Variants in ARB2A observed in about 807,000 individuals in gnomAD.
ARB2A encodes the protein cotranscriptional regulator ARB2A.
chr5:93,908,533 A>G, the ARB2A span, among the ~76,000 whole-genome samples: 1 of 150,782 alleles, frequency 6.6e-6, no homozygotes, highest in South Asian at 2.1e-4. Flanking sequence ...GTCTAATACA[A>G]AAGTATTTTT....
At chr5:93,935,130 G>A in the ARB2A span, among the ~76,000 whole-genome samples, 4 of 152,070 alleles carry the variant, frequency 2.6e-5, no homozygotes, top group Non-Finnish European at 5.9e-5. Context: ...CATTGGGTAC[G>A]ATGTACACTG....
At chr5:93,931,068 G>A in the ARB2A span, among the ~76,000 whole-genome samples, 1 of 152,142 alleles carries the variant, frequency 6.6e-6, no homozygotes. Context: ...TCCCACTTAT[G>A]AGTAAGAACA....
At chr5:93,750,220 A>G in the ARB2A span, among the ~76,000 whole-genome samples, 3 of 152,190 alleles carry the variant, frequency 2.0e-5, no homozygotes, top group African/African-American at 7.2e-5. Context: ...ATTTTGGGGG[A>G]TGAATTGAAG....
At chr5:93,654,169 C>T in the ARB2A span, among the ~76,000 whole-genome samples, 6 of 152,244 alleles carry the variant, frequency 3.9e-5, no homozygotes, top group South Asian at 2.1e-4. Context: ...GAGTCTGACT[C>T]ACTTTTTATG....
At chr5:93,791,847 C>G in the ARB2A span, among the ~76,000 whole-genome samples, 3 of 152,048 alleles carry the variant, frequency 2.0e-5, no homozygotes, top group Non-Finnish European at 4.4e-5. Context: ...TAATAACTTC[C>G]TTTTCCTTTC....
At chr5:93,892,869 T>C in the ARB2A span, among the ~76,000 whole-genome samples, 2 of 152,164 alleles carry the variant, frequency 1.3e-5, no homozygotes, top group Admixed American at 1.3e-4. Flanking sequence ...CCTTAGCAGA[T>C]TACTTAGCAT....
chr5:93,824,415 T>C, the ARB2A span: 3 of 450,034 alleles, frequency 6.7e-6, no homozygotes, highest in African/African-American at 6.2e-5. Context: ...AAGAACTACA[T>C]TGAAAATTCA....
the ARB2A span, among the ~76,000 whole-genome samples, chr5:94,040,401 C>T: frequency 2.0e-5 from 3 of 151,576 alleles, no homozygotes; most frequent in African/African-American, 4.9e-5. Context: ...ATGTACACAA[C>T]GTGCAGGTTT....
the ARB2A span, among the ~76,000 whole-genome samples, chr5:94,012,039 T>C: frequency 1.3e-5 from 2 of 151,106 alleles, no homozygotes; most frequent in Non-Finnish European, 2.9e-5. Flanking sequence ...ACAGCATAGT[T>C]AAGATAACAT....
the ARB2A span, among the ~76,000 whole-genome samples, chr5:93,758,272 G>C: frequency 2.0e-5 from 3 of 151,980 alleles, no homozygotes; most frequent in Non-Finnish European, 4.4e-5. Flanking sequence ...CCTAAGAAAT[G>C]AGATAGACAG....
chr5:93,929,452 C>T, the ARB2A span, among the ~76,000 whole-genome samples: 1 of 152,054 alleles, frequency 6.6e-6, no homozygotes, highest in Non-Finnish European at 1.5e-5. Context: ...CTAGAAAAAA[C>T]AAGTGTGCCA....
the ARB2A span, among the ~76,000 whole-genome samples, chr5:93,813,935 G>C: frequency 4.6e-5 from 7 of 152,294 alleles, no homozygotes; most frequent in South Asian, 1.5e-3. Context: ...ATAAGGTTCT[G>C]CTAGTTTCTT....
At chr5:93,621,007 T>G in the ARB2A span, 1 of 1,611,056 alleles carries the variant, frequency 6.2e-7, no homozygotes, top group East Asian at 2.2e-5. Flanking sequence ...TCGTGCTTGA[T>G]GCGGTGGGAG....
the ARB2A span, among the ~76,000 whole-genome samples, chr5:93,948,227 T>G: frequency 6.6e-6 from 1 of 152,230 alleles, no homozygotes; most frequent in African/African-American, 2.4e-5. Flanking sequence ...AGATGGTATC[T>G]CATTGTGGTT....
the ARB2A span, chr5:93,619,473 G>A: frequency 6.6e-6 from 1 of 152,140 alleles, no homozygotes; most frequent in South Asian, 2.1e-4. Context: ...AAACATTTAA[G>A]CACGAAGTGG....
chr5:93,996,377 T>G, the ARB2A span, among the ~76,000 whole-genome samples: 1 of 151,910 alleles, frequency 6.6e-6, no homozygotes, highest in Admixed American at 6.6e-5. Flanking sequence ...ATTAGAAAAA[T>G]GAACAGGGGG....
chr5:94,054,839 T>G, the ARB2A span, among the ~76,000 whole-genome samples: 1 of 152,236 alleles, frequency 6.6e-6, no homozygotes. Flanking sequence ...ACACTTATTG[T>G]ATACTTTAGG....
the ARB2A span, among the ~76,000 whole-genome samples, chr5:93,977,794 T>C: frequency 1.3e-5 from 2 of 152,050 alleles, no homozygotes; most frequent in Non-Finnish European, 2.9e-5. Context: ...AGAGCTTCTA[T>C]GCTACAAAGG....
At chr5:93,649,366 C>T in the ARB2A span, among the ~76,000 whole-genome samples, 3 of 151,904 alleles carry the variant, frequency 2.0e-5, no homozygotes, top group African/African-American at 7.3e-5. Context: ...GAGATTAAAC[C>T]CTTCAAAGAA....
Sources: gnomAD v4.1 joint callset for allele counts (sites outside exome capture counted in the v4.1 genomes callset) on GRCh38, gnomAD v4.1.1 for gene constraint, MANE v1.5 for transcripts, NCBI Gene and HGNC (gene_info 2026-07-23, HGNC 2026-07-21) for gene names.